Variants in HS3ST4 observed in about 807,000 individuals in gnomAD.
HS3ST4 encodes the protein heparan sulfate-glucosamine 3-sulfotransferase 4, also known as heparan sulfate glucosamine 3-O-sulfotransferase 4.
HS3ST4 carries 17 observed loss-of-function variants against 29.2 expected under a neutral mutation model. That is an observed-to-expected ratio of 0.58 (90% CI 0.40 to 0.87). HS3ST4 has a LOEUF of 0.87. Among genes scored for constraint, HS3ST4 ranks in the 40% least tolerant of loss-of-function variants. The pLI is 0.00. For synonymous variants in HS3ST4, 314 were observed against 285.7 expected (o/e 1.10, Z -1.00); for missense variants, 627 against 634.5 (o/e 0.99, Z 0.13).
Position 25,885,856 on chromosome 16 carries a change from C to T in HS3ST4, c.734+192705C>T, listed in dbSNP as rs545254444. 4.6e-5 allele frequency among the ~76,000 whole-genome samples: 7 copies of T among 151,906 alleles called. No individual in the cohort carries two copies. The East Asian group carries it at 9.7e-4, about 21-fold the overall frequency. On this transcript the variant is annotated intron_variant, in intron 1 of 1. Transcript: ENST00000331351. ...TCTGTAAGTAGAAGGAAATTATAAACATAATACGATGAGAAGAAAAAGTAT... is the reference window on the plus strand; with the variant it reads ...TCTGTAAGTAGAAGGAAATTATAAATATAATACGATGAGAAGAAAAAGTAT...
chr16:25,774,233 C>T (rs960587734), intron 1 of HS3ST4, among the ~76,000 whole-genome samples: 2 of 152,222 alleles, frequency 1.3e-5, no homozygotes, highest in African/African-American at 2.4e-5. Flanking sequence ...TAAACAGCCA[C>T]AGTGAGAGTG....
intron 1 of HS3ST4, among the ~76,000 whole-genome samples, chr16:25,864,458 A>G (rs1044703005): frequency 4.6e-5 from 7 of 152,126 alleles, no homozygotes; most frequent in African/African-American, 1.2e-4. Flanking sequence ...CTTAACTACT[A>G]TAGTTATCAT....
intron 1 of HS3ST4, among the ~76,000 whole-genome samples, chr16:25,782,396 G>A (rs1966853439): frequency 6.6e-6 from 1 of 152,208 alleles, no homozygotes; most frequent in African/African-American, 2.4e-5. Flanking sequence ...CCTGTGGACT[G>A]TCTCCTTCCC....
intron 1 of HS3ST4, among the ~76,000 whole-genome samples, chr16:25,921,228 G>A (rs1024615251): frequency 6.6e-6 from 1 of 152,156 alleles, no homozygotes; most frequent in Non-Finnish European, 1.5e-5. Flanking sequence ...TGTTAATTAC[G>A]ATACAGTCTC....
intron 1 of HS3ST4, among the ~76,000 whole-genome samples, chr16:26,096,919 A>G (rs1396977873): frequency 1.3e-5 from 2 of 152,226 alleles, no homozygotes; most frequent in East Asian, 1.9e-4. Context: ...AAAAATCACA[A>G]GCATTTCTAT....
intron 1 of HS3ST4, among the ~76,000 whole-genome samples, chr16:25,881,507 T>C (rs1967896272): frequency 6.6e-6 from 1 of 152,146 alleles, no homozygotes; most frequent in Admixed American, 6.5e-5. Flanking sequence ...GGCACCTGGA[T>C]GCTTGGATAG....
At chr16:25,996,090 G>A (rs988798036) in intron 1 of HS3ST4, among the ~76,000 whole-genome samples, 5 of 151,930 alleles carry the variant, frequency 3.3e-5, no homozygotes, top group African/African-American at 4.8e-5. Flanking sequence ...TCTTTCCTTG[G>A]CTTAGAACTA....
At chr16:25,996,594 A>T (rs950568009) in intron 1 of HS3ST4, among the ~76,000 whole-genome samples, 5 of 152,120 alleles carry the variant, frequency 3.3e-5, no homozygotes, top group Admixed American at 6.6e-5. Context: ...ATATTATGCA[A>T]CTTATCTCAA....
intron 1 of HS3ST4, among the ~76,000 whole-genome samples, chr16:25,916,841 G>A (rs555091314): frequency 1.6e-4 from 25 of 151,918 alleles, no homozygotes; most frequent in Non-Finnish European, 3.1e-4. Context: ...GACCACGCCC[G>A]GCTGATTTTT....
intron 1 of HS3ST4, among the ~76,000 whole-genome samples, chr16:25,894,725 C>T (rs991374286): frequency 1.6e-4 from 24 of 151,954 alleles, no homozygotes; most frequent in Non-Finnish European, 3.4e-4. Context: ...AGGCTGGTCT[C>T]GAACTCCGGA....
chr16:25,849,909 CTAATT>C (rs967140844), intron 1 of HS3ST4, among the ~76,000 whole-genome samples: 4 of 151,492 alleles, frequency 2.6e-5, no homozygotes, highest in African/African-American at 9.7e-5. Flanking sequence ...ACTTATGTTG[CTAATT>C]TAATTTAATT....
At chr16:25,711,869 C>G (rs1966418035) in intron 1 of HS3ST4, among the ~76,000 whole-genome samples, 1 of 152,142 alleles carries the variant, frequency 6.6e-6, no homozygotes, top group Non-Finnish European at 1.5e-5. Context: ...CCTCAAGTGA[C>G]CTGCTCGCCT....
intron 1 of HS3ST4, among the ~76,000 whole-genome samples, chr16:25,940,297 C>T (rs112665963): frequency 0.013 from 1,935 of 151,254 alleles, 38 homozygotes; most frequent in African/African-American, 0.045. Context: ...CTGTGATGTA[C>T]GATTAAGCCT....
At chr16:25,977,704 A>G (rs1968957629) in intron 1 of HS3ST4, among the ~76,000 whole-genome samples, 1 of 152,214 alleles carries the variant, frequency 6.6e-6, no homozygotes, top group Admixed American at 6.5e-5. Context: ...CCCAGTCCCA[A>G]GATACTTGGC....
chr16:25,894,236 G>T (rs1968038037), intron 1 of HS3ST4, among the ~76,000 whole-genome samples: 1 of 152,110 alleles, frequency 6.6e-6, no homozygotes, highest in Non-Finnish European at 1.5e-5. Context: ...GGCAGGGAGG[G>T]TGTTTCCTAG....
chr16:25,893,286 A>G (rs1008478877), intron 1 of HS3ST4, among the ~76,000 whole-genome samples: 1 of 152,226 alleles, frequency 6.6e-6, no homozygotes, highest in African/African-American at 2.4e-5. Flanking sequence ...TAAAGAGTCT[A>G]GATTTTATTT....
At chr16:25,895,617 G>A (rs764105233) in intron 1 of HS3ST4, among the ~76,000 whole-genome samples, 1 of 152,118 alleles carries the variant, frequency 6.6e-6, no homozygotes. Context: ...TATGTCTCAT[G>A]TTCTGGAGGC....
At chr16:25,843,958 C>T (rs994905001) in intron 1 of HS3ST4, among the ~76,000 whole-genome samples, 2 of 152,154 alleles carry the variant, frequency 1.3e-5, no homozygotes, top group African/African-American at 4.8e-5. Context: ...CTGGATTCAA[C>T]CTGAGACAGT....
chr16:25,979,206 C>G (rs1453224627), intron 1 of HS3ST4, among the ~76,000 whole-genome samples: 2 of 152,130 alleles, frequency 1.3e-5, no homozygotes, highest in African/African-American at 4.8e-5. Context: ...GACTTGTTCT[C>G]TCTCTTAAGC....
Sources: allele counts gnomAD v4.1 joint callset (sites outside exome capture counted in the v4.1 genomes callset), GRCh38; gene constraint gnomAD v4.1.1; transcripts MANE v1.5; gene names NCBI Gene and HGNC (gene_info 2026-07-23, HGNC 2026-07-21).